MYO3B: variants seen among roughly 807,000 people sequenced by gnomAD.
The protein encoded by MYO3B is myosin IIIB.
MYO3B carries 156 observed loss-of-function variants against 174.6 expected under a neutral mutation model. The ratio of observed to expected loss-of-function variants is 0.89; its 90% CI spans 0.78 to 1.02. MYO3B has a LOEUF of 1.02. MYO3B is among the 50% of genes least tolerant of loss of function. The pLI, the probability that MYO3B is intolerant of heterozygous loss-of-function variation, is 0.00. For synonymous variants in MYO3B, 563 were observed against 569.1 expected, an observed-to-expected ratio of 0.99 and a Z score of 0.15; for missense variants, 1,632 against 1,639.4, an observed-to-expected ratio of 1.00 and a Z score of 0.08.
intron 32 of MYO3B, among the ~76,000 whole-genome samples, chr2:170,580,712 TTA>T (rs139311800): frequency 2.2e-5 from 3 of 136,060 alleles, no homozygotes; most frequent in South Asian, 5.3e-4. Context: ...CCACAAAACC[TTA>T]TATATGTGTG....
intron 9 of MYO3B, among the ~76,000 whole-genome samples, chr2:170,378,043 G>A (rs1240632174): frequency 6.6e-6 from 1 of 150,962 alleles, no homozygotes; most frequent in African/African-American, 2.4e-5. Context: ...AAGATCTATA[G>A]TTACTAATGA....
chr2:170,411,679 G>A (rs2094547033), intron 22 of MYO3B: 1 of 152,234 alleles, frequency 6.6e-6, no homozygotes, highest in Non-Finnish European at 1.5e-5. Context: ...GAGTAATCCA[G>A]TTGGTATTTT....
At position 170,640,911 on chromosome 2, in the gene MYO3B, T is replaced by C. The variant is rs545153196; in HGVS notation, c.3734-10717T>C. 4.6e-5 allele frequency: 7 copies of C among 152,070 alleles called. No homozygotes were observed. The South Asian group carries it at 1.0e-3, about 23-fold the overall frequency. The allele number at this position is 152,070 out of a possible 1,614,324, so 9.4% of individuals were successfully genotyped here. A position where few individuals can be genotyped will look rare whatever the true frequency, so the allele number is the denominator to read the frequency against. On this transcript the variant is annotated intron_variant, in intron 32 of 34. Transcript: ENST00000408978. ...GTATTTAAGCAAAAAAAAAAATCAG[T>C]TGAATTTTAAAAATATTAAATAGTA...
chr2:170,333,723 T>A (rs1391499721), intron 7 of MYO3B, among the ~76,000 whole-genome samples: 1 of 152,192 alleles, frequency 6.6e-6, no homozygotes, highest in Non-Finnish European at 1.5e-5. Flanking sequence ...CCAATCTAAT[T>A]TTCAGAAGCC....
chr2:170,298,304 G>A, intron 7 of MYO3B, among the ~76,000 whole-genome samples: 1 of 152,080 alleles, frequency 6.6e-6, no homozygotes, highest in East Asian at 1.9e-4. Flanking sequence ...TGGTAAGATT[G>A]GTTCTAGCTG....
At chr2:170,536,970 G>A (rs1559094469) in intron 30 of MYO3B, among the ~76,000 whole-genome samples, 1 of 151,952 alleles carries the variant, frequency 6.6e-6, no homozygotes, top group Non-Finnish European at 1.5e-5. Context: ...GGGAGTCTGA[G>A]GCAGGTGAAT....
At chr2:170,468,903 G>A (rs1684803270) in intron 25 of MYO3B, among the ~76,000 whole-genome samples, 1 of 152,128 alleles carries the variant, frequency 6.6e-6, no homozygotes, top group African/African-American at 2.4e-5. Flanking sequence ...GCTCACACCT[G>A]TAATCCTAGC....
chr2:170,634,883 C>T (rs1374689565), intron 32 of MYO3B, among the ~76,000 whole-genome samples: 2 of 152,236 alleles, frequency 1.3e-5, no homozygotes, highest in Non-Finnish European at 2.9e-5. Context: ...CATCACTGGT[C>T]ATCAGTGAAA....
At chr2:170,522,687 T>G (rs1466082957) in intron 30 of MYO3B, among the ~76,000 whole-genome samples, 3 of 152,214 alleles carry the variant, frequency 2.0e-5, no homozygotes, top group African/African-American at 7.2e-5. Flanking sequence ...CTAATACACC[T>G]TATGGCTAAC....
intron 32 of MYO3B, among the ~76,000 whole-genome samples, chr2:170,548,473 T>C (rs1690682165): frequency 1.3e-5 from 2 of 152,192 alleles, no homozygotes; most frequent in African/African-American, 4.8e-5. Context: ...ATTGTCGGTC[T>C]GAGGTTCACT....
intron 32 of MYO3B, among the ~76,000 whole-genome samples, chr2:170,591,742 A>G (rs1693829220): frequency 6.6e-6 from 1 of 152,320 alleles, no homozygotes; most frequent in East Asian, 1.9e-4. Context: ...CAAGGCCACT[A>G]CCTTTCCTGG....
At chr2:170,245,670 G>A (rs1009863303) in intron 7 of MYO3B, among the ~76,000 whole-genome samples, 2 of 152,128 alleles carry the variant, frequency 1.3e-5, no homozygotes, top group Non-Finnish European at 1.5e-5. Context: ...CAGATAACAG[G>A]GCTTATGTAA....
intron 32 of MYO3B, among the ~76,000 whole-genome samples, chr2:170,635,231 G>T (rs566754174): frequency 2.6e-4 from 39 of 152,296 alleles, no homozygotes; most frequent in Middle Eastern, 6.8e-3. Context: ...AACAATGATA[G>T]ACTGGATTAA....
intron 32 of MYO3B, among the ~76,000 whole-genome samples, chr2:170,608,332 A>G (rs1694939385): frequency 6.6e-6 from 1 of 152,244 alleles, no homozygotes; most frequent in East Asian, 1.9e-4. Flanking sequence ...TAAGTGCCAC[A>G]GACTTCTGAG....
chr2:170,479,289 A>G (rs1575046645), intron 25 of MYO3B, among the ~76,000 whole-genome samples: 1 of 148,738 alleles, frequency 6.7e-6, no homozygotes. Flanking sequence ...GTCTCAAAAA[A>G]ATAAAAAATA....
At chr2:170,351,245 GA>G (rs1349556480) in intron 8 of MYO3B, 1 of 152,186 alleles carries the variant, frequency 6.6e-6, no homozygotes, top group Non-Finnish European at 1.5e-5. Flanking sequence ...ATAGGATTCA[GA>G]GTTGAGACTC....
chr2:170,381,762 T>C (rs938657136), intron 9 of MYO3B, among the ~76,000 whole-genome samples: 1 of 152,132 alleles, frequency 6.6e-6, no homozygotes, highest in African/African-American at 2.4e-5. Context: ...AAAGCAAGTA[T>C]GTGTATTAGG....
chr2:170,466,482 C>T (rs1684638293), intron 24 of MYO3B, 24 bp from the exon 25 acceptor site: 2 of 1,611,102 alleles, frequency 1.2e-6, no homozygotes, highest in African/African-American at 1.3e-5. Flanking sequence ...AACCTTGTTC[C>T]TTGTGCATTT....
intron 7 of MYO3B, among the ~76,000 whole-genome samples, chr2:170,280,252 A>G (rs1254164578): frequency 1.3e-5 from 2 of 151,976 alleles, no homozygotes; most frequent in Non-Finnish European, 2.9e-5. Context: ...TTGGCTGCAC[A>G]TATGTCTTAT....
Sources: allele counts gnomAD v4.1 joint callset (sites outside exome capture counted in the v4.1 genomes callset), GRCh38; gene constraint gnomAD v4.1.1; transcripts MANE v1.5; gene names NCBI Gene and HGNC (gene_info 2026-07-23, HGNC 2026-07-21).